Variants in SPATA45 observed in about 807,000 individuals in gnomAD.
The protein encoded by SPATA45 is spermatogenesis associated 45.
SPATA45 carries 5 observed loss-of-function variants against 7.0 expected under a neutral mutation model. The observed-to-expected ratio is 0.71, with a 90% CI of 0.37 to 1.50. The LOEUF (loss-of-function observed/expected upper bound fraction) is 1.50. SPATA45 is among the 40% of genes most tolerant of loss of function. The pLI is 0.03. For synonymous variants in SPATA45, 40 were observed against 38.7 expected, an observed-to-expected ratio of 1.03 and a Z score of -0.13; for missense variants, 111 against 114.9, an observed-to-expected ratio of 0.97 and a Z score of 0.16.
intron 1 of SPATA45, among the ~76,000 whole-genome samples, chr1:212,846,636 T>G (rs1663799491): frequency 6.6e-6 from 1 of 152,180 alleles, no homozygotes; most frequent in Non-Finnish European, 1.5e-5. Context: ...TCCCTGCCCT[T>G]AGGAATGTAC....
chr1:212,834,520 G>A (rs936119131), intron 2 of SPATA45, among the ~76,000 whole-genome samples: 11 of 149,964 alleles, frequency 7.3e-5, no homozygotes, highest in African/African-American at 2.2e-4. Flanking sequence ...GAGTGATCTC[G>A]GCTCACTGCA....
At chr1:212,835,808 C>A in intron 2 of SPATA45, 65 bp downstream of exon 2, 2 of 1,417,908 alleles carry the variant, frequency 1.4e-6, no homozygotes, top group East Asian at 4.6e-5. Flanking sequence ...TGCACTCCAG[C>A]CTGGGCGACA....
chr1:212,837,807 G>A (rs922896465), intron 1 of SPATA45, among the ~76,000 whole-genome samples: 1 of 151,674 alleles, frequency 6.6e-6, no homozygotes, highest in Non-Finnish European at 1.5e-5. Context: ...GAAAGATAGC[G>A]AAATATTCAG....
intron 2 of SPATA45, among the ~76,000 whole-genome samples, chr1:212,833,354 T>C (rs1663522608): frequency 2.0e-5 from 3 of 151,466 alleles, no homozygotes; most frequent in Non-Finnish European, 4.4e-5. Context: ...CCTGAGTCAC[T>C]TCACTTAGAA....
chr1:212,834,284 C>G (rs1456617590), intron 2 of SPATA45, among the ~76,000 whole-genome samples: 1 of 151,376 alleles, frequency 6.6e-6, no homozygotes, highest in Non-Finnish European at 1.5e-5. Context: ...ATTACACACC[C>G]CCTTCTCTTT....
chr1:212,833,381 G>C (rs563945688), intron 2 of SPATA45, among the ~76,000 whole-genome samples: 4 of 151,304 alleles, frequency 2.6e-5, no homozygotes, highest in Non-Finnish European at 4.4e-5. Flanking sequence ...CCTCCTGGCC[G>C]GGCTCAGTGG....
At chr1:212,843,325 G>A (rs1663726653) in intron 1 of SPATA45, among the ~76,000 whole-genome samples, 1 of 151,548 alleles carries the variant, frequency 6.6e-6, no homozygotes, top group African/African-American at 2.4e-5. Context: ...GAAAAGTAAA[G>A]AAAATAATAT....
chr1:212,845,021 A>G (rs1390406121), intron 1 of SPATA45, among the ~76,000 whole-genome samples: 1 of 152,006 alleles, frequency 6.6e-6, no homozygotes, highest in Non-Finnish European at 1.5e-5. Context: ...CCCCACTGAA[A>G]CTTCCACCTA....
intron 2 of SPATA45, among the ~76,000 whole-genome samples, chr1:212,834,676 C>T (rs1429727062): frequency 6.6e-6 from 1 of 151,536 alleles, no homozygotes; most frequent in Non-Finnish European, 1.5e-5. Flanking sequence ...GTCTCAAACT[C>T]CTGACCTCAG....
chr1:212,840,590 T>C (rs1156861228), intron 1 of SPATA45, among the ~76,000 whole-genome samples: 1 of 151,558 alleles, frequency 6.6e-6, no homozygotes, highest in Non-Finnish European at 1.5e-5. Context: ...CCAGCTACTT[T>C]TTGTACAGGC....
intron 1 of SPATA45, among the ~76,000 whole-genome samples, chr1:212,841,017 T>A (rs1663672454): frequency 6.6e-6 from 1 of 152,052 alleles, no homozygotes; most frequent in Non-Finnish European, 1.5e-5. Flanking sequence ...ATCGGCTCAC[T>A]GCAACCCTGA....
chr1:212,841,157 C>CT (rs201103845), intron 1 of SPATA45, among the ~76,000 whole-genome samples: 3,464 of 147,392 alleles, frequency 0.024, 63 homozygotes, highest in South Asian at 0.042. Context: ...ACCATCTTTC[C>CT]TTTTTTTTTC....
At chr1:212,836,293 A>G in intron 1 of SPATA45, 106 bp from the exon 2 acceptor site, 1 of 830,240 alleles carries the variant, frequency 1.2e-6, no homozygotes, top group South Asian at 1.8e-5. Flanking sequence ...AAATAACACC[A>G]CAACCACCAC....
rs779347074 is a variant in SPATA45, at chr1:212,835,849, A to G, written c.277+24T>C. ...AAAACTCCATCTCAAAAAAAAAAAA[A>G]AAAATCCTATGATAACTTCTTACTT... On this transcript the variant is annotated intron_variant, in intron 2 of 2. Coordinates refer to ENST00000332912, the MANE Select transcript of SPATA45 (RefSeq NM_001024601.3). 88 of 1,564,182 alleles carry G rather than the reference A, an allele frequency of 5.6e-5. No homozygotes were observed. In the East Asian group the frequency reaches 1.8e-3, roughly 31 times the overall value.
At chr1:212,841,156 C>A (rs1301524427) in intron 1 of SPATA45, among the ~76,000 whole-genome samples, 1 of 147,730 alleles carries the variant, frequency 6.8e-6, no homozygotes, top group Admixed American at 6.7e-5. Context: ...CACCATCTTT[C>A]CTTTTTTTTT....
chr1:212,831,016 G>A (rs935507578), intron 2 of SPATA45, among the ~76,000 whole-genome samples: 1 of 151,320 alleles, frequency 6.6e-6, no homozygotes, highest in Non-Finnish European at 1.5e-5. Context: ...GTGCACACCT[G>A]TAATCCCAGC....
intron 2 of SPATA45, among the ~76,000 whole-genome samples, chr1:212,832,788 G>A (rs1349546951): frequency 2.0e-5 from 3 of 151,544 alleles, no homozygotes; most frequent in Non-Finnish European, 3.0e-5. Flanking sequence ...AGGTTTGTGA[G>A]CCATTGCCCA....
At chr1:212,845,160 G>A (rs1419564460) in intron 1 of SPATA45, among the ~76,000 whole-genome samples, 7 of 151,950 alleles carry the variant, frequency 4.6e-5, no homozygotes, top group African/African-American at 9.7e-5. Context: ...CTACTAGCCC[G>A]TCTCTTAGAA....
intron 1 of SPATA45, among the ~76,000 whole-genome samples, chr1:212,841,813 A>AGT (rs1354713494): frequency 6.6e-6 from 1 of 152,070 alleles, no homozygotes; most frequent in Non-Finnish European, 1.5e-5. Flanking sequence ...GCTGGAGTGC[A>AGT]GTGGCGTGAT....
Sources: gnomAD v4.1 joint callset for allele counts (sites outside exome capture counted in the v4.1 genomes callset) on GRCh38, gnomAD v4.1.1 for gene constraint, MANE v1.5 for transcripts, NCBI Gene and HGNC (gene_info 2026-07-23, HGNC 2026-07-21) for gene names.